The following FYN variants were observed in gnomAD, a reference collection of about 807,000 sequenced individuals.
The protein encoded by FYN is tyrosine-protein kinase Fyn.
In FYN, 10 loss-of-function variants were observed where a neutral mutation model predicts 70.2. The ratio of observed to expected loss-of-function variants is 0.14; its 90% CI spans 0.09 to 0.24. The LOEUF (loss-of-function observed/expected upper bound fraction) is 0.24. Among genes scored for constraint, FYN ranks in the 10% least tolerant of loss-of-function variants. FYN has a pLI of 1.00. For missense variants in FYN, 319 were observed against 673.1 expected (o/e 0.47, Z 5.82); for synonymous variants, 236 against 248.6 (o/e 0.95, Z 0.48).
chr6:111,825,078 T>C (rs556346029), intron 2 of FYN, among the ~76,000 whole-genome samples: 16 of 152,262 alleles, frequency 1.1e-4, no homozygotes, highest in African/African-American at 3.9e-4. Flanking sequence ...CAGAAAGCCA[T>C]TGCCTCTGAT....
At chr6:111,774,676 C>T (rs1803636585) in intron 3 of FYN, among the ~76,000 whole-genome samples, 2 of 151,888 alleles carry the variant, frequency 1.3e-5, no homozygotes, top group African/African-American at 4.8e-5. Context: ...TTGGGAAGAT[C>T]AAATGTGCTG....
At chr6:111,684,695 A>G (rs973885357) in intron 12 of FYN, among the ~76,000 whole-genome samples, 7 of 152,152 alleles carry the variant, frequency 4.6e-5, no homozygotes, top group Non-Finnish European at 7.4e-5. Context: ...ACGGTGACCA[A>G]TGACAAACCC....
At chr6:111,872,348 G>C (rs1774300745) in intron 1 of FYN, among the ~76,000 whole-genome samples, 1 of 151,076 alleles carries the variant, frequency 6.6e-6, no homozygotes, top group South Asian at 2.1e-4. Context: ...GGAGCAGAGG[G>C]GTGGGGGACA....
At chr6:111,756,428 C>A (rs913769408) in intron 3 of FYN, among the ~76,000 whole-genome samples, 2 of 150,436 alleles carry the variant, frequency 1.3e-5, no homozygotes, top group Non-Finnish European at 1.5e-5. Flanking sequence ...AAAAAAAAAT[C>A]TGTGTTTTAG....
intron 4 of FYN, among the ~76,000 whole-genome samples, chr6:111,718,158 C>A (rs1430767873): frequency 6.6e-6 from 1 of 152,218 alleles, no homozygotes; most frequent in East Asian, 1.9e-4. Context: ...CCCACTCTCT[C>A]CTTGCATCAG....
chr6:111,837,164 C>T (rs935492726), intron 2 of FYN, among the ~76,000 whole-genome samples: 1 of 152,178 alleles, frequency 6.6e-6, no homozygotes, highest in African/African-American at 2.4e-5. Flanking sequence ...TTATAAGTTA[C>T]TTTATTTTCA....
chr6:111,792,800 T>C (rs1771671215), intron 2 of FYN, among the ~76,000 whole-genome samples: 2 of 152,160 alleles, frequency 1.3e-5, no homozygotes, highest in African/African-American at 4.8e-5. Flanking sequence ...CAATTTTATT[T>C]ATATAAAGTT....
intron 3 of FYN, among the ~76,000 whole-genome samples, chr6:111,761,160 G>A (rs558618588): frequency 1.3e-5 from 2 of 152,322 alleles, no homozygotes; most frequent in Admixed American, 6.5e-5. Context: ...AAGGACACTA[G>A]CACTTGGTGG....
At chr6:111,797,778 T>C (rs1418834123) in intron 2 of FYN, among the ~76,000 whole-genome samples, 1 of 150,748 alleles carries the variant, frequency 6.6e-6, no homozygotes, top group Admixed American at 6.6e-5. Context: ...TTTTTCTTTT[T>C]TTGAGATGGA....
intron 5 of FYN, among the ~76,000 whole-genome samples, chr6:111,709,257 G>A (rs1462180836): frequency 6.6e-6 from 1 of 152,102 alleles, no homozygotes; most frequent in Non-Finnish European, 1.5e-5. Context: ...AAAAAAATGT[G>A]TTAGCTTCTG....
At chr6:111,674,940 T>C (rs951828802) in intron 12 of FYN, among the ~76,000 whole-genome samples, 5 of 152,170 alleles carry the variant, frequency 3.3e-5, no homozygotes, top group African/African-American at 1.2e-4. Context: ...TTAATAAACA[T>C]ACATAGGATT....
At chr6:111,708,183 T>G in intron 5 of FYN, 163 bp from the exon 6 acceptor site, 1 of 587,356 alleles carries the variant, frequency 1.7e-6, no homozygotes, top group Non-Finnish European at 3.1e-6. Context: ...CCTGTGAAGG[T>G]CAGAAGGTTC....
intron 3 of FYN, among the ~76,000 whole-genome samples, chr6:111,752,987 G>C (rs1026587330): frequency 6.6e-6 from 1 of 152,102 alleles, no homozygotes; most frequent in Non-Finnish European, 1.5e-5. Flanking sequence ...GTAAGTGGGG[G>C]AAATTAACTT....
At position 111,745,562 on chromosome 6, in the gene FYN, T is replaced by C. The variant is rs77069110; in HGVS notation, c.-11-25500A>G. 1.6e-4 allele frequency among the ~76,000 whole-genome samples: 24 copies of C among 152,258 alleles called. No homozygotes were observed. The East Asian group carries it at 4.6e-3, about 29-fold the overall frequency. ...TGTTTGGTGTGACACAAGCCAAGAA[T>C]GAGCGAATGCAGGTAACTAGAGAGT... On this transcript the variant is annotated intron_variant, in intron 3 of 13. Transcript: ENST00000354650.
At chr6:111,700,396 C>T (rs1197986007) in intron 8 of FYN, 128 bp from the exon 9 acceptor site, 26 of 842,514 alleles carry the variant, frequency 3.1e-5, no homozygotes, top group South Asian at 2.5e-4. Context: ...CACCAGCAGA[C>T]GACCACACAC....
intron 3 of FYN, among the ~76,000 whole-genome samples, chr6:111,766,742 CACTT>C (rs529773977): frequency 2.6e-5 from 4 of 152,312 alleles, no homozygotes; most frequent in African/African-American, 7.2e-5. Context: ...CGTGAGAACT[CACTT>C]ACTATCACGA....
intron 13 of FYN, among the ~76,000 whole-genome samples, chr6:111,665,854 T>C (rs1797976507): frequency 1.3e-5 from 2 of 152,046 alleles, no homozygotes; most frequent in South Asian, 4.2e-4. Context: ...AATTCTTGGC[T>C]TCAAGTGATC....
intron 12 of FYN, among the ~76,000 whole-genome samples, chr6:111,688,865 G>GA (rs1274565646): frequency 4.6e-5 from 7 of 152,034 alleles, no homozygotes; most frequent in African/African-American, 1.2e-4. Flanking sequence ...TGTGTCCGGG[G>GA]TGAGGGGGCC....
intron 13 of FYN, among the ~76,000 whole-genome samples, chr6:111,667,016 T>C (rs1158569528): frequency 2.0e-5 from 3 of 152,208 alleles, no homozygotes; most frequent in Admixed American, 1.3e-4. Context: ...CTTCCTGCCA[T>C]TATGATTATA....
Sources: gnomAD v4.1 joint callset for allele counts (sites outside exome capture counted in the v4.1 genomes callset) on GRCh38, gnomAD v4.1.1 for gene constraint, MANE v1.5 for transcripts, NCBI Gene and HGNC (gene_info 2026-07-23, HGNC 2026-07-21) for gene names.